The following HK1 variants were observed in gnomAD, a reference collection of about 807,000 sequenced individuals.
HK1 encodes hexokinase-1.
A neutral mutation model predicts 91.6 loss-of-function variants in HK1; 28 were observed. The ratio of observed to expected loss-of-function variants is 0.31; its 90% CI spans 0.23 to 0.42. The LOEUF (loss-of-function observed/expected upper bound fraction) is 0.42, where lower values mean the gene tolerates loss of function less well. Ranked by LOEUF, HK1 falls within the 10% of genes least tolerant of loss-of-function variation. HK1 has a pLI of 1.00. For missense variants in HK1, 770 were observed against 1,219.8 expected (o/e 0.63, Z 5.49); for synonymous variants, 430 against 468.1 (o/e 0.92, Z 1.05).
chr10:69,288,745 T>C lies in HK1; in HGVS notation c.-140T>C. 6.2e-7 allele frequency: 1 copy of C among 1,613,860 alleles called. No individual in the cohort carries two copies. Among genetic ancestry groups the C allele is most frequent in the South Asian group, 1.1e-5 (1 of 91,082 alleles). On this transcript the variant is annotated 5_prime_UTR_variant, in exon 3 of 22. Transcript: ENST00000360289. ...AGGTCAGCAAGTGCCCTCCCCACAA[T>C]GGGGCAGATCTGCCAGCGAGAATCG...
At chr10:69,343,750 A>C in intron 1 of HK1, 77 bp from the exon 2 acceptor site, 1 of 1,113,890 alleles carries the variant, frequency 9.0e-7, no homozygotes, top group Non-Finnish European at 1.4e-6. Flanking sequence ...GGAGCTGGCT[A>C]TCTCAGCGGG....
intron 1 of HK1, among the ~76,000 whole-genome samples, chr10:69,328,490 G>A (rs1177356481): frequency 6.6e-6 from 1 of 152,184 alleles, no homozygotes; most frequent in Non-Finnish European, 1.5e-5. Flanking sequence ...CTGTGCTAAA[G>A]GCATCGTGAG....
intron 1 of HK1, among the ~76,000 whole-genome samples, chr10:69,343,624 C>T (rs1303047991): frequency 3.3e-5 from 5 of 152,182 alleles, no homozygotes; most frequent in Non-Finnish European, 7.3e-5. Flanking sequence ...GTTCATTTTA[C>T]AGGCCAGGAA....
upstream of HK1, among the ~76,000 whole-genome samples, chr10:69,314,840 G>A (rs1003758795): frequency 2.0e-5 from 3 of 152,136 alleles, no homozygotes; most frequent in African/African-American, 7.2e-5. Flanking sequence ...GCTAATTTTT[G>A]TATTTTTAGT....
In HK1 at chr10:69,369,454, T is replaced by C; in HGVS notation, c.705T>C (p.Asn235=). 2 of 1,614,202 alleles carry C rather than the reference T, an allele frequency of 1.2e-6. No homozygotes were observed. The highest frequency in any genetic ancestry group is 1.1e-5 in the South Asian group (1 of 91,084). Residue 235 remains asparagine, a synonymous_variant, in exon 7 of 18, where the codon AAT becomes AAC. Coordinates refer to ENST00000359426, the MANE Select transcript of HK1 (RefSeq NM_000188.3). The surrounding 1 kb of genome is among the most constrained non-coding windows in gnomAD (Gnocchi z 4.4). ...TGTCCTGCCCAGGCACTGGCACCAA[T>C]GCTTGCTACATGGAGGAACTGAGGC... ...EVGLIIGTGT[N]ACYMEELRHI...
chr10:69,391,054 A>G (rs1212809736), intron 14 of HK1, among the ~76,000 whole-genome samples: 1 of 151,954 alleles, frequency 6.6e-6, no homozygotes, highest in Non-Finnish European at 1.5e-5. Context: ...ATTTTGAGTG[A>G]CTCTGCTCTA....
chr10:69,285,280 C>T (rs925713548), intron 2 of HK1, among the ~76,000 whole-genome samples: 2 of 151,734 alleles, frequency 1.3e-5, no homozygotes, highest in Non-Finnish European at 2.9e-5. Context: ...AAAAATTAGC[C>T]GGGCGAGGTG....
Position 69,308,456 on chromosome 10 carries a change from T to C in HK1, c.27+7595T>C, listed in dbSNP as rs183727597. 1.2e-4 allele frequency among the ~76,000 whole-genome samples: 19 copies of C among 152,200 alleles called. No individual in the cohort carries two copies. In the East Asian group the frequency reaches 3.3e-3, roughly 26 times the overall value. ...GAGGGTCCTTGGGAGAGGGTCATGA[T>C]TGACTGAGCAAGCAGGGGGTATGTG... On this transcript the variant is annotated intron_variant, in intron 5 of 21. Coordinates refer to the HK1 transcript ENST00000360289.
rs112294655 is a variant in HK1, at chr10:69,295,935, T to C, written c.-67+255T>C. Among the ~76,000 whole-genome samples the C allele has an allele frequency of 2.2e-4, 33 of 152,316 alleles. 1 individual carries two copies. Among genetic ancestry groups the C allele is most frequent in the African/African-American group, 7.7e-4 (32 of 41,578 alleles). ...CCCTTTCTTGGAAGCAGAATGCTAA[T>C]TGTCAGAGCCAAACACAAGGCCTTC... On this transcript the variant is annotated intron_variant, in intron 4 of 21. Coordinates refer to the HK1 transcript ENST00000360289.
At chr10:69,339,401 A>G (rs1043031746) in intron 1 of HK1, among the ~76,000 whole-genome samples, 1 of 152,204 alleles carries the variant, frequency 6.6e-6, no homozygotes, top group African/African-American at 2.4e-5. Flanking sequence ...TGTAAAATCC[A>G]GGAGGCCCCA....
At chr10:69,328,475 A>G (rs1847507665) in intron 1 of HK1, among the ~76,000 whole-genome samples, 1 of 152,152 alleles carries the variant, frequency 6.6e-6, no homozygotes, top group South Asian at 2.1e-4. Context: ...ATTCATTGCC[A>G]TGTACTGTGC....
chr10:69,396,153 T>G (rs1183030143), intron 16 of HK1, among the ~76,000 whole-genome samples: 1 of 151,748 alleles, frequency 6.6e-6, no homozygotes, highest in Admixed American at 6.6e-5. Context: ...ATTCCTGTGG[T>G]CCCAGCTATT....
Position 69,332,481 on chromosome 10 carries a change from C to T in HK1, c.64-11346C>T, listed in dbSNP as rs12264596. Reference sequence around the variant, plus strand: ...GCAACCTCTGCCTCCCTGGTTCAAGCGGTTCTCATGCCTCAGCCTCTCTAG... The same window carrying T: ...GCAACCTCTGCCTCCCTGGTTCAAGTGGTTCTCATGCCTCAGCCTCTCTAG... On this transcript the variant is annotated intron_variant, in intron 1 of 17. Transcript: ENST00000359426. Among the ~76,000 whole-genome samples, 350 of 152,102 alleles carry T rather than the reference C, an allele frequency of 2.3e-3. 4 individuals are homozygous for T. The highest frequency in any genetic ancestry group is 8.1e-3 in the African/African-American group (335 of 41,510).
intron 2 of HK1, among the ~76,000 whole-genome samples, chr10:69,348,033 G>A (rs556461439): frequency 6.2e-4 from 94 of 152,178 alleles, no homozygotes; most frequent in African/African-American, 2.2e-3. Flanking sequence ...TCCCCCATTC[G>A]CGAAGTGTCC....
chr10:69,343,204 C>G (rs1208157127), intron 1 of HK1, among the ~76,000 whole-genome samples: 1 of 152,222 alleles, frequency 6.6e-6, no homozygotes. Flanking sequence ...TTCTGTCTTT[C>G]TAGAAGTCTT....
At chr10:69,301,591 A>AG (rs1361083839) in intron 5 of HK1, among the ~76,000 whole-genome samples, 5 of 150,440 alleles carry the variant, frequency 3.3e-5, no homozygotes, top group Admixed American at 2.0e-4. Context: ...AAAAAAAAAA[A>AG]AAAAGAAAAG....
intron 3 of HK1, among the ~76,000 whole-genome samples, chr10:69,290,116 A>G (rs1021379585): frequency 1.3e-5 from 2 of 152,092 alleles, no homozygotes; most frequent in African/African-American, 2.4e-5. Flanking sequence ...ACAATCTGGG[A>G]AATTGAGACA....
intron 4 of HK1, among the ~76,000 whole-genome samples, chr10:69,296,955 G>T (rs1845595357): frequency 6.6e-6 from 1 of 152,144 alleles, no homozygotes; most frequent in Admixed American, 6.5e-5. Flanking sequence ...AGACCTCCAG[G>T]ATGTGTGCTG....
intron 2 of HK1, among the ~76,000 whole-genome samples, chr10:69,283,798 C>CAAAAA (rs571297748): frequency 9.8e-4 from 65 of 66,444 alleles, no homozygotes; most frequent in South Asian, 1.3e-3. Flanking sequence ...GACTCTGTCT[C>CAAAAA]AAAAAAAAAA....
Sources: gnomAD v4.1 joint callset for allele counts (sites outside exome capture counted in the v4.1 genomes callset) on GRCh38, gnomAD v4.1.1 for gene constraint, Gnocchi (gnomAD v3.1) non-coding constraint, MANE v1.5 for transcripts, NCBI Gene and HGNC (gene_info 2026-07-23, HGNC 2026-07-21) for gene names.